The following CLVS2 variants were observed in gnomAD, a reference collection of about 807,000 sequenced individuals.
CLVS2 encodes clavesin-2.
CLVS2 carries 19 observed loss-of-function variants against 29.0 expected under a neutral mutation model. The ratio of observed to expected loss-of-function variants is 0.66; its 90% CI spans 0.46 to 0.96. The LOEUF is 0.96. CLVS2 is among the 40% of genes least tolerant of loss of function. The pLI is 0.00. For synonymous variants in CLVS2, 161 were observed against 151.3 expected, an observed-to-expected ratio of 1.06 and a Z score of -0.47; for missense variants, 294 against 404.1, an observed-to-expected ratio of 0.73 and a Z score of 2.34.
rs1772883491 is a variant in CLVS2, at chr6:123,067,690, T to C, written c.*3929T>C. On this transcript the variant is annotated 3_prime_UTR_variant, in exon 6 of 6. Coordinates refer to ENST00000275162, the MANE Select transcript of CLVS2 (RefSeq NM_001010852.4). ...GGCATATATTCCATTGTAGATCTGC[T>C]ATATAAATACATAGCCTGAAACATA... The C allele has an allele frequency of 6.6e-6, 1 of 151,642 alleles. No homozygotes were observed. Among genetic ancestry groups the C allele is most frequent in the South Asian group, 2.1e-4 (1 of 4,832 alleles). 9.4% of individuals were successfully genotyped at this position (151,642 alleles called of 1,614,324 possible). A position where few individuals can be genotyped will look rare whatever the true frequency, so the allele number is the denominator to read the frequency against.
chr6:123,003,190 A>T (rs1450262144), intron 2 of CLVS2, among the ~76,000 whole-genome samples: 6 of 152,232 alleles, frequency 3.9e-5, no homozygotes, highest in Non-Finnish European at 8.8e-5. Flanking sequence ...ACAAGTGCCA[A>T]CCTTCAGTAG....
chr6:123,018,115 G>A (rs924299273), intron 3 of CLVS2, among the ~76,000 whole-genome samples: 1 of 151,996 alleles, frequency 6.6e-6, no homozygotes, highest in Non-Finnish European at 1.5e-5. Flanking sequence ...AATGACAAAT[G>A]GATAAAAAGT....
At chr6:123,031,680 G>A (rs988590391) in intron 3 of CLVS2, among the ~76,000 whole-genome samples, 1 of 152,090 alleles carries the variant, frequency 6.6e-6, no homozygotes, top group Non-Finnish European at 1.5e-5. Flanking sequence ...AGAGCTGGGG[G>A]AAAAAGAATA....
chr6:123,048,517 A>G (rs1210836218), intron 3 of CLVS2, 105 bp from the exon 4 acceptor site: 1 of 722,248 alleles, frequency 1.4e-6, no homozygotes, highest in South Asian at 1.8e-5. Context: ...AGATAATCTC[A>G]TCTAAGTATG....
intron 1 of CLVS2, 129 bp from the exon 2 acceptor site, chr6:122,997,090 G>T (rs915128919): frequency 6.5e-6 from 1 of 153,490 alleles, no homozygotes; most frequent in African/African-American, 2.4e-5. Flanking sequence ...TCACCTAATT[G>T]GATCACAATA....
At chr6:123,035,260 G>A (rs1410887843) in intron 3 of CLVS2, among the ~76,000 whole-genome samples, 2 of 150,900 alleles carry the variant, frequency 1.3e-5, no homozygotes, top group South Asian at 4.2e-4. Flanking sequence ...TTTTTTTCAT[G>A]TGAGGATTTT....
At chr6:123,056,818 C>T (rs1772699566) in intron 5 of CLVS2, among the ~76,000 whole-genome samples, 1 of 152,202 alleles carries the variant, frequency 6.6e-6, no homozygotes, top group Non-Finnish European at 1.5e-5. Flanking sequence ...TTCAAAGTTT[C>T]TGGTCCTTTT....
intron 3 of CLVS2, among the ~76,000 whole-genome samples, chr6:123,046,274 T>C (rs1173710918): frequency 6.6e-6 from 1 of 152,180 alleles, no homozygotes; most frequent in Non-Finnish European, 1.5e-5. Context: ...TGACATTGCA[T>C]TGTGTGCAAG....
rs1248973773 is a variant in CLVS2 at position 123,072,822 on chromosome 6, A to G, written c.*9061A>G. The G allele has an allele frequency of 6.6e-6, 1 of 152,088 alleles. No individual in the cohort carries two copies. The highest frequency in any genetic ancestry group is 1.5e-5 in the Non-Finnish European group (1 of 67,976). The allele number at this position is 152,088 out of a possible 1,614,324, so 9.4% of individuals were successfully genotyped here. A position where few individuals can be genotyped will look rare whatever the true frequency, so the allele number is the denominator to read the frequency against. ...TGTTTATTATATTCTGAAAACCATT[A>G]TATTAATATTTTATTTCTTTTTTTG... On this transcript the variant is annotated 3_prime_UTR_variant, in exon 6 of 6. Transcript: ENST00000275162.
chr6:123,024,069 T>C (rs1774963368), intron 3 of CLVS2, among the ~76,000 whole-genome samples: 1 of 152,130 alleles, frequency 6.6e-6, no homozygotes, highest in African/African-American at 2.4e-5. Flanking sequence ...TATAATGTAA[T>C]TAATCAGCCA....
At chr6:123,021,431 AAAAAAAAT>A in intron 3 of CLVS2, among the ~76,000 whole-genome samples, 1 of 151,744 alleles carries the variant, frequency 6.6e-6, no homozygotes, top group South Asian at 2.1e-4. Flanking sequence ...GCTTCAGTTA[AAAAAAAAT>A]TATTATTTTT....
intron 3 of CLVS2, among the ~76,000 whole-genome samples, chr6:123,038,399 G>A (rs939992640): frequency 2.0e-5 from 3 of 151,988 alleles, no homozygotes; most frequent in African/African-American, 4.8e-5. Context: ...GTAAATATTT[G>A]TTAAGTTTAA....
chr6:123,004,510 C>G (rs1007317340), intron 2 of CLVS2, among the ~76,000 whole-genome samples: 1 of 152,170 alleles, frequency 6.6e-6, no homozygotes, highest in African/African-American at 2.4e-5. Context: ...CTAAGGATGT[C>G]TTATTGCTTT....
rs965290130 is a variant in CLVS2, at chr6:123,066,233, A to G, written c.*2472A>G. 1.3e-5 allele frequency: 2 copies of G among 151,696 alleles called. No homozygotes were observed. Among genetic ancestry groups the G allele is most frequent in the African/African-American group, 4.8e-5 (2 of 41,368 alleles). 9.4% of individuals were successfully genotyped at this position (151,696 alleles called of 1,614,324 possible). A position where few individuals can be genotyped will look rare whatever the true frequency, so the allele number is the denominator to read the frequency against. ...GCACTGTTTAGGAATTTTTCCCTTC[A>G]TGATATTCTGTGTCACATCCTATGT... On this transcript the variant is annotated 3_prime_UTR_variant, in exon 6 of 6. Transcript: ENST00000275162.
At chr6:123,054,662 C>A (rs1475653417) in intron 4 of CLVS2, among the ~76,000 whole-genome samples, 1 of 152,124 alleles carries the variant, frequency 6.6e-6, no homozygotes. Flanking sequence ...ATTTTTATGA[C>A]TTACTATAAT....
intron 3 of CLVS2, among the ~76,000 whole-genome samples, chr6:123,017,754 T>G (rs924751876): frequency 1.3e-5 from 2 of 152,116 alleles, no homozygotes; most frequent in Admixed American, 6.6e-5. Flanking sequence ...TCTTTGATAA[T>G]GGACTAGATT....
At chr6:123,008,196 A>G (rs1466706807) in intron 2 of CLVS2, among the ~76,000 whole-genome samples, 7 of 152,050 alleles carry the variant, frequency 4.6e-5, no homozygotes, top group Admixed American at 2.0e-4. Flanking sequence ...TTCTTTTTCT[A>G]AACTTCTAAA....
At chr6:123,061,819 G>T (rs1005443067) in intron 5 of CLVS2, among the ~76,000 whole-genome samples, 1 of 152,082 alleles carries the variant, frequency 6.6e-6, no homozygotes, top group Non-Finnish European at 1.5e-5. Flanking sequence ...GCAGTCTGAA[G>T]AGCTTTGGTA....
intron 2 of CLVS2, among the ~76,000 whole-genome samples, chr6:123,010,748 A>G (rs1774736199): frequency 6.6e-6 from 1 of 152,062 alleles, no homozygotes; most frequent in Non-Finnish European, 1.5e-5. Flanking sequence ...AAACTAAATG[A>G]TGATAAAATA....
Sources: gnomAD v4.1 joint callset for allele counts (sites outside exome capture counted in the v4.1 genomes callset) on GRCh38, gnomAD v4.1.1 for gene constraint, MANE v1.5 for transcripts, NCBI Gene and HGNC (gene_info 2026-07-23, HGNC 2026-07-21) for gene names.